The following SLC1A3 variants were observed in gnomAD, a reference collection of about 807,000 sequenced individuals.
The protein encoded by SLC1A3 is solute carrier family 1 member 3, also known as excitatory amino acid transporter 1.
A neutral mutation model predicts 48.1 loss-of-function variants in SLC1A3; 21 were observed. The ratio of observed to expected loss-of-function variants is 0.44; its 90% confidence interval spans 0.31 to 0.63. SLC1A3 has a LOEUF of 0.63. Among genes scored for constraint, SLC1A3 ranks in the 20% least tolerant of loss-of-function variants. The pLI is 0.08. For synonymous variants in SLC1A3, 239 were observed against 251.4 expected (o/e 0.95, Z 0.47); for missense variants, 546 against 689.0 (o/e 0.79, Z 2.32).
chr5:36,613,721 A>G (rs1336362970), intron 2 of SLC1A3, among the ~76,000 whole-genome samples: 1 of 152,176 alleles, frequency 6.6e-6, no homozygotes. Flanking sequence ...GGGGATCCTG[A>G]GTCCCCTGGT....
In SLC1A3 at chr5:36,677,033, T is replaced by C; in HGVS notation, c.709T>C (p.Ser237Pro). ...ITEELVPVPG[S>P]VNGVNALGLV... is the part of the protein sequence containing the mutation. ...AGAGGAGCTGGTCCCAGTTCCAGGA[T>C]CTGTGAATGGAGTCAATGCCCTGGG... The change falls in exon 6 of 10, where the codon TCT becomes CCT. Residue 237 changes from serine (S) to proline (P), a missense_variant. Physicochemically the swap from Ser to Pro is moderately conservative, Grantham distance 74 (BLOSUM62 -1). Coordinates refer to ENST00000265113, the MANE Select transcript of SLC1A3 (RefSeq NM_004172.5). The C allele has an allele frequency of 6.2e-7, 1 of 1,614,092 alleles. No homozygotes were observed.
intron 2 of SLC1A3, among the ~76,000 whole-genome samples, chr5:36,616,343 CA>C (rs1253840701): frequency 2.0e-5 from 3 of 152,078 alleles, no homozygotes; most frequent in Non-Finnish European, 4.4e-5. Flanking sequence ...ATAAAAGGCC[CA>C]AAAAGGTTTA....
intron 1 of SLC1A3, among the ~76,000 whole-genome samples, chr5:36,597,445 T>TATTA (rs1208728412): frequency 6.6e-6 from 1 of 151,828 alleles, no homozygotes; most frequent in Admixed American, 6.6e-5. Context: ...GGTTTCACCA[T>TATTA]ATTAGCCAGG....
intron 8 of SLC1A3, among the ~76,000 whole-genome samples, chr5:36,681,044 T>C (rs1742424410): frequency 6.6e-6 from 1 of 152,210 alleles, no homozygotes; most frequent in Admixed American, 6.5e-5. Context: ...ATTGGTTTTT[T>C]TAGATTATAG....
intron 3 of SLC1A3, chr5:36,669,809 G>A (rs1444065612): frequency 1.3e-5 from 2 of 151,940 alleles, no homozygotes; most frequent in African/African-American, 2.4e-5. Flanking sequence ...TTCTAAATAT[G>A]CAAATATTTA....
chr5:36,635,165 G>C (rs578239926), intron 3 of SLC1A3, among the ~76,000 whole-genome samples: 1 of 147,924 alleles, frequency 6.8e-6, no homozygotes, highest in Admixed American at 6.7e-5. Flanking sequence ...CTACCCGTAC[G>C]TTGTATTGAA....
upstream of SLC1A3, among the ~76,000 whole-genome samples, chr5:36,606,038 T>A (rs1738923109): frequency 6.6e-6 from 1 of 152,258 alleles, no homozygotes; most frequent in Non-Finnish European, 1.5e-5. Context: ...AAATTAGGTT[T>A]GTTAAAATGA....
chr5:36,636,077 G>GTGTGTGTGTGTGTGTGTGTA, intron 3 of SLC1A3: 1 of 152,428 alleles, frequency 6.6e-6, no homozygotes, highest in South Asian at 2.1e-4. Context: ...GTGTGTGTGT[G>GTGTGTGTGTGTGTGTGTGTA]TATTTAGGTT....
chr5:36,600,723 C>T (rs1224840004), intron 1 of SLC1A3, among the ~76,000 whole-genome samples: 2 of 152,204 alleles, frequency 1.3e-5, no homozygotes, highest in African/African-American at 4.8e-5. Context: ...TGAAGGCTTT[C>T]TTCCCTGGTC....
intron 2 of SLC1A3, 78 bp from the exon 3 acceptor site, chr5:36,629,372 C>T: frequency 8.0e-7 from 1 of 1,250,062 alleles, no homozygotes; most frequent in Non-Finnish European, 1.1e-6. Context: ...CAAATACTTA[C>T]TCATTTTGCT....
intron 2 of SLC1A3, among the ~76,000 whole-genome samples, chr5:36,609,927 T>C (rs1004117649): frequency 2.0e-5 from 3 of 152,198 alleles, no homozygotes; most frequent in Non-Finnish European, 4.4e-5. Context: ...AGCCAAGCAA[T>C]AGCTGCATAA....
At chr5:36,642,132 G>A (rs1160211282) in intron 3 of SLC1A3, among the ~76,000 whole-genome samples, 2 of 152,112 alleles carry the variant, frequency 1.3e-5, no homozygotes, top group African/African-American at 2.4e-5. Context: ...GGGTACATTG[G>A]CATCATTATT....
At position 36,680,476 on chromosome 5, in the gene SLC1A3, C is replaced by G. The variant is rs530745234; in HGVS notation, c.1176C>G (p.Pro392=). The G allele has an allele frequency of 6.2e-7, 1 of 1,614,078 alleles. No individual in the cohort carries two copies. The highest frequency in any genetic ancestry group is 1.1e-5 in the South Asian group (1 of 91,084). ...VDKRVTRFVL[P]VGATINMDGT... Reference sequence around the variant, plus strand: ...AGCGCGTCACCAGATTCGTGCTCCCCGTAGGAGCCACCATTAACATGGATG... The same window carrying G: ...AGCGCGTCACCAGATTCGTGCTCCCGGTAGGAGCCACCATTAACATGGATG... Residue 392 remains proline, a synonymous_variant, in exon 8 of 10, where the codon CCC becomes CCG. Coordinates refer to ENST00000265113, the MANE Select transcript of SLC1A3 (RefSeq NM_004172.5).
rs774915912 is a variant in SLC1A3, at chr5:36,608,619, T to A, written c.181+15T>A. The stretch of plus-strand genomic sequence containing the variant: ...TGTCATTGTGGGTGAGTCATTTGAT[T>A]AAAAACAAAAAAACCTGTATCTTGT... On this transcript the variant is annotated intron_variant, in intron 2 of 9. Coordinates refer to ENST00000265113, the MANE Select transcript of SLC1A3 (RefSeq NM_004172.5). 3 of 1,592,582 alleles carry A rather than the reference T, an allele frequency of 1.9e-6. No individual in the cohort carries two copies. Among genetic ancestry groups the A allele is most frequent in the Admixed American group, 3.5e-5 (2 of 57,932 alleles).
At chr5:36,632,676 A>G (rs1740181509) in intron 3 of SLC1A3, among the ~76,000 whole-genome samples, 1 of 152,242 alleles carries the variant, frequency 6.6e-6, no homozygotes, top group Non-Finnish European at 1.5e-5. Flanking sequence ...GTAGACAGAA[A>G]CTGAAATGCA....
At chr5:36,677,216 T>C (rs1461615289) in intron 6 of SLC1A3, 32 bp downstream of exon 6, 1 of 1,578,534 alleles carries the variant, frequency 6.3e-7, no homozygotes, top group East Asian at 2.2e-5. Flanking sequence ...ATATGTTATA[T>C]ACGAGATGGT....
In SLC1A3 at chr5:36,676,991, A is replaced by T; in HGVS notation, c.667A>T (p.Thr223Ser). 1 of 1,613,886 alleles carries T rather than the reference A, an allele frequency of 6.2e-7. No individual in the cohort carries two copies. The highest frequency in any genetic ancestry group is 1.1e-5 in the South Asian group (1 of 91,068). ...VINNVSEAME[T>S]LTRITEELVP... is the part of the protein sequence containing the mutation. ...AAACAATGTGTCTGAGGCCATGGAG[A>T]CTCTTACCCGAATCACAGAGGAGCT... The change falls in exon 6 of 10, where the codon ACT becomes TCT. Residue 223 changes from threonine to serine, a missense_variant. Transcript: ENST00000265113.
At chr5:36,638,139 C>T (rs542439101) in intron 3 of SLC1A3, among the ~76,000 whole-genome samples, 5 of 151,570 alleles carry the variant, frequency 3.3e-5, no homozygotes, top group East Asian at 1.9e-4. Flanking sequence ...GGTGTAGATA[C>T]GTTTCCACCT....
chr5:36,628,988 G>GA lies in SLC1A3; in HGVS notation c.182-453dup, dbSNP rs201017947. On this transcript the variant is annotated intron_variant, in intron 2 of 9. Coordinates refer to ENST00000265113, the MANE Select transcript of SLC1A3 (RefSeq NM_004172.5). The stretch of plus-strand genomic sequence containing the variant: ...TGAACATGAGGGGTTTTTCTAACTG[G>GA]AAAAAAAAATAAAATCACACTATCC... 4.3e-3 allele frequency among the ~76,000 whole-genome samples: 650 copies of GA among 149,950 alleles called. 18 individuals are homozygous for GA. The East Asian group carries it at 0.058, about 13-fold the overall frequency.
Sources: gnomAD v4.1 joint callset for allele counts (sites outside exome capture counted in the v4.1 genomes callset) on GRCh38, gnomAD v4.1.1 for gene constraint, MANE v1.5 for transcripts, NCBI Gene and HGNC (gene_info 2026-07-23, HGNC 2026-07-21) for gene names.